The following USP25 variants were observed in gnomAD, a reference collection of about 807,000 sequenced individuals.
USP25 encodes ubiquitin carboxyl-terminal hydrolase 25.
USP25 carries 85 observed loss-of-function variants against 158.5 expected under a neutral mutation model. That is an observed-to-expected ratio of 0.54 (90% confidence interval 0.45 to 0.64). USP25 has a LOEUF of 0.64. USP25 is among the 30% of genes least tolerant of loss of function. USP25 has a pLI of 0.00. For missense variants in USP25, 1,242 were observed against 1,327.3 expected, an observed-to-expected ratio of 0.94 and a Z score of 1.00; for synonymous variants, 464 against 460.4, an observed-to-expected ratio of 1.01 and a Z score of -0.10.
intron 4 of USP25, among the ~76,000 whole-genome samples, chr21:15,785,445 A>T (rs2035217030): frequency 6.6e-6 from 1 of 152,244 alleles, no homozygotes; most frequent in Non-Finnish European, 1.5e-5. Flanking sequence ...TCCAGTAAAG[A>T]TCGTATGTTA....
intron 23 of USP25, among the ~76,000 whole-genome samples, chr21:15,874,023 A>G (rs189383397): frequency 6.6e-6 from 1 of 152,322 alleles, no homozygotes; most frequent in East Asian, 1.9e-4. Flanking sequence ...TTTACTTCAT[A>G]TAAATGTGAC....
At chr21:15,798,202 G>T (rs2035955053) in intron 5 of USP25, among the ~76,000 whole-genome samples, 1 of 151,144 alleles carries the variant, frequency 6.6e-6, no homozygotes, top group Admixed American at 6.6e-5. Context: ...GAAGAATGTG[G>T]CAACCTTTCA....
chr21:15,840,796 T>C (rs963155872), intron 17 of USP25, among the ~76,000 whole-genome samples: 1 of 152,194 alleles, frequency 6.6e-6, no homozygotes, highest in East Asian at 1.9e-4. Context: ...TCAGACCAGA[T>C]GGATTTATTG....
At position 15,759,112 on chromosome 21, in the gene USP25, A is replaced by G. The variant is rs190621403; in HGVS notation, c.46-3779A>G. Among the ~76,000 whole-genome samples, 29 of 152,316 alleles carry G rather than the reference A, an allele frequency of 1.9e-4. No homozygotes were observed. The East Asian group carries it at 5.4e-3, about 28-fold the overall frequency. On this transcript the variant is annotated intron_variant, in intron 1 of 25. Transcript: ENST00000400183. ...AAATCAGATTTGGAGTGCTGGTAGC[A>G]GTGACATTACAGACTTATAAAAATT...
At chr21:15,823,487 T>G (rs2146348354) in intron 10 of USP25, among the ~76,000 whole-genome samples, 1 of 152,262 alleles carries the variant, frequency 6.6e-6, no homozygotes, top group South Asian at 2.1e-4. Context: ...AAGTATTAAC[T>G]TTTTGTTAGT....
chr21:15,859,236 A>G lies in USP25; in HGVS notation c.2548-5032A>G, dbSNP rs559489332. 2.3e-3 allele frequency among the ~76,000 whole-genome samples: 339 copies of G among 149,796 alleles called. 6 individuals are homozygous for G. The highest frequency in any genetic ancestry group is 7.9e-3 in the African/African-American group (325 of 40,926). On this transcript the variant is annotated intron_variant, in intron 20 of 25. Transcript: ENST00000400183. The stretch of plus-strand genomic sequence containing the variant: ...GAGACGGGGTCTCGCTCTGTCGCCC[A>G]GGCTGGAGTGCAGTGGTGCCATCTT...
At chr21:15,764,295 A>G (rs963183721) in intron 2 of USP25, among the ~76,000 whole-genome samples, 15 of 149,970 alleles carry the variant, frequency 1.0e-4, no homozygotes, top group African/African-American at 3.4e-4. Flanking sequence ...TCACCTTGCC[A>G]GGGTAAATTT....
intron 24 of USP25, 65 bp downstream of exon 24, chr21:15,874,591 C>T: frequency 6.8e-7 from 1 of 1,465,020 alleles, no homozygotes; most frequent in Non-Finnish European, 9.1e-7. Flanking sequence ...TTTCCAGACT[C>T]ATATATAAGT....
chr21:15,805,406 CTTT>C, intron 7 of USP25, 148 bp downstream of exon 7: 1 of 756,890 alleles, frequency 1.3e-6, no homozygotes, highest in Non-Finnish European at 1.8e-6. Flanking sequence ...ATTTGGGAGA[CTTT>C]TAAGAGAAAA....
rs1394867464 is a variant in USP25, at chr21:15,879,650, A to G, written c.*1175A>G. 1 of 152,580 alleles carries G rather than the reference A, an allele frequency of 6.6e-6. No individual in the cohort carries two copies. Among genetic ancestry groups the G allele is most frequent in the African/African-American group, 2.4e-5 (1 of 41,444 alleles). 9.5% of individuals were successfully genotyped at this position (152,580 alleles called of 1,614,324 possible). ...TCATGTTACTAACAACCTATTTTTGAATTCATAAAAATTTCTTTATAAATG... is the reference window on the plus strand; with the variant it reads ...TCATGTTACTAACAACCTATTTTTGGATTCATAAAAATTTCTTTATAAATG... On this transcript the variant is annotated 3_prime_UTR_variant, in exon 26 of 26. Transcript: ENST00000400183.
chr21:15,812,198 T>C (rs1431503857), intron 9 of USP25, among the ~76,000 whole-genome samples: 1 of 151,622 alleles, frequency 6.6e-6, no homozygotes, highest in East Asian at 1.9e-4. Flanking sequence ...TTACGTTGGG[T>C]CATTCATCTT....
At chr21:15,750,910 G>A (rs2032965936) in intron 1 of USP25, among the ~76,000 whole-genome samples, 2 of 152,116 alleles carry the variant, frequency 1.3e-5, no homozygotes, top group African/African-American at 4.8e-5. Context: ...GAGCCACCGC[G>A]CCTGGCCCTT....
At chr21:15,745,969 T>G (rs2032524075) in intron 1 of USP25, among the ~76,000 whole-genome samples, 2 of 152,222 alleles carry the variant, frequency 1.3e-5, no homozygotes, top group South Asian at 4.1e-4. Context: ...AGCTGTCCTT[T>G]CATCATTGAA....
chr21:15,819,020 G>A (rs1266664025), intron 10 of USP25, among the ~76,000 whole-genome samples, 174 bp downstream of exon 10: 4 of 152,050 alleles, frequency 2.6e-5, no homozygotes, highest in Admixed American at 6.6e-5. Flanking sequence ...CAGTCAATAT[G>A]GCCTATAATC....
intron 1 of USP25, among the ~76,000 whole-genome samples, chr21:15,762,044 C>T (rs1319075165): frequency 6.6e-6 from 1 of 151,572 alleles, no homozygotes; most frequent in Non-Finnish European, 1.5e-5. Flanking sequence ...TATTCTGTTC[C>T]TGATCAAACT....
chr21:15,803,848 CT>C (rs982901972), intron 6 of USP25, among the ~76,000 whole-genome samples: 1 of 151,766 alleles, frequency 6.6e-6, no homozygotes, highest in Non-Finnish European at 1.5e-5. Flanking sequence ...TCTCAGGACT[CT>C]TTTTTGGAAT....
intron 20 of USP25, 103 bp downstream of exon 20, chr21:15,849,975 C>G: frequency 1.1e-6 from 1 of 888,640 alleles, no homozygotes; most frequent in Non-Finnish European, 1.6e-6. Flanking sequence ...TATAATTTCT[C>G]TTTTCCTATC....
chr21:15,842,652 T>C (rs750775819), intron 18 of USP25, 112 bp downstream of exon 18: 13 of 1,353,832 alleles, frequency 9.6e-6, no homozygotes, highest in Non-Finnish European at 1.2e-5. Flanking sequence ...CAGTGATGGC[T>C]CTGCCATGGG....
intron 17 of USP25, among the ~76,000 whole-genome samples, chr21:15,840,295 G>T (rs892578734): frequency 6.6e-6 from 1 of 152,066 alleles, no homozygotes; most frequent in African/African-American, 2.4e-5. Flanking sequence ...AACCTTGTGC[G>T]TAACTTTTAT....
Sources: allele counts gnomAD v4.1 joint callset (sites outside exome capture counted in the v4.1 genomes callset), GRCh38; gene constraint gnomAD v4.1.1; transcripts MANE v1.5; gene names NCBI Gene and HGNC (gene_info 2026-07-23, HGNC 2026-07-21).